Variants in KPNA7 observed in about 807,000 individuals in gnomAD.
The protein encoded by KPNA7 is importin subunit alpha-8.
Under a neutral mutation model 53.7 loss-of-function variants are expected in KPNA7, and 54 were observed. That is an observed-to-expected ratio of 1.01 (90% CI 0.81 to 1.26). KPNA7 has a LOEUF of 1.26. Ranked by LOEUF, KPNA7 falls within the 50% of genes most tolerant of loss-of-function variation. The probability of loss-of-function intolerance (pLI) is 0.00; values close to 1 mark genes in which losing one functional copy is unlikely to be tolerated. For missense variants in KPNA7, 640 were observed against 644.5 expected, an observed-to-expected ratio of 0.99 and a Z score of 0.07; for synonymous variants, 276 against 259.3, an observed-to-expected ratio of 1.06 and a Z score of -0.62.
In KPNA7 at chr7:99,203,148, G is replaced by A. The variant is rs1318336658; in HGVS notation, c.159C>T (p.Phe53=). The A allele has an allele frequency of 1.4e-5, 21 of 1,551,704 alleles. No individual in the cohort carries two copies. The highest frequency in any genetic ancestry group is 1.6e-5 in the Non-Finnish European group (18 of 1,146,980). The change falls in exon 3 of 11, where the codon TTC becomes TTT. Residue 53 remains phenylalanine (F), a synonymous_variant. Coordinates refer to ENST00000327442, the MANE Select transcript of KPNA7 (RefSeq NM_001145715.3). ...TTTTTTCAGAAGGTGTGTCAGGGCA[G>A]AAGCTCGTGATATTCCTTCTCTTTA... The part of the protein sequence containing the change: ...QTLKRRNITS[F]CPDTPSEKTA...
chr7:99,161,053 G>A, the KPNA7 span, among the ~76,000 whole-genome samples: 7 of 152,024 alleles, frequency 4.6e-5, no homozygotes, highest in African/African-American at 1.7e-4. Flanking sequence ...GTAAAGACAG[G>A]GTTTCACCAT....
upstream of KPNA7, among the ~76,000 whole-genome samples, chr7:99,209,557 C>T (rs1000317477): frequency 7.9e-5 from 12 of 151,768 alleles, no homozygotes; most frequent in African/African-American, 2.7e-4. Flanking sequence ...GTGGCAGGCA[C>T]CTGTAGTCCC....
intron 1 of KPNA7, among the ~76,000 whole-genome samples, chr7:99,216,036 TTTTTG>T (rs1248552665): frequency 2.0e-5 from 3 of 151,370 alleles, no homozygotes; most frequent in East Asian, 1.9e-4. Context: ...ACCCTGCCCC[TTTTTG>T]TTTTGAGATA....
chr7:99,201,662 C>CAAAAA (rs111393769), intron 3 of KPNA7, among the ~76,000 whole-genome samples: 1 of 122,900 alleles, frequency 8.1e-6, no homozygotes. Flanking sequence ...GACTCTGTCT[C>CAAAAA]AAAAAAAAAA....
chr7:99,148,815 G>A, the KPNA7 span, among the ~76,000 whole-genome samples: 9 of 125,800 alleles, frequency 7.2e-5, no homozygotes, highest in South Asian at 5.8e-4. Context: ...CAGGCTAGTC[G>A]CCTCAAGTGG....
chr7:99,164,459 A>T, the KPNA7 span, among the ~76,000 whole-genome samples: 10 of 152,002 alleles, frequency 6.6e-5, no homozygotes, highest in Non-Finnish European at 1.3e-4. Flanking sequence ...GGACACAGGA[A>T]GGGGAACATC....
chr7:99,210,776 G>A (rs909394108), upstream of KPNA7, among the ~76,000 whole-genome samples: 6 of 151,718 alleles, frequency 4.0e-5, no homozygotes, highest in African/African-American at 1.2e-4. Context: ...TTGTAGAGAT[G>A]GGATCTCACT....
the KPNA7 span, among the ~76,000 whole-genome samples, chr7:99,165,623 G>A: frequency 4.6e-5 from 7 of 152,124 alleles, no homozygotes; most frequent in South Asian, 2.1e-4. Context: ...CCCAAACACC[G>A]TTTCTCTTCA....
the KPNA7 span, among the ~76,000 whole-genome samples, chr7:99,163,383 A>ATATATATATATATATATATT: frequency 4.9e-5 from 2 of 40,804 alleles, no homozygotes; most frequent in African/African-American, 9.5e-5. Context: ...ATATATATAT[A>ATATATATATATATATATATT]TTTTTTTTTT....
intron 3 of KPNA7, among the ~76,000 whole-genome samples, chr7:99,197,606 A>G (rs73401390): frequency 0.071 from 10,805 of 152,318 alleles, 449 homozygotes; most frequent in South Asian, 0.15. Flanking sequence ...CACACTAAAT[A>G]GAGAATATCA....
At chr7:99,159,961 G>T in the KPNA7 span, among the ~76,000 whole-genome samples, 1 of 151,142 alleles carries the variant, frequency 6.6e-6, no homozygotes, top group Non-Finnish European at 1.5e-5. Flanking sequence ...TCATGGTCTG[G>T]AGTCTGCTGC....
the KPNA7 span, among the ~76,000 whole-genome samples, chr7:99,166,149 C>T: frequency 6.6e-6 from 1 of 152,122 alleles, no homozygotes; most frequent in Non-Finnish European, 1.5e-5. Context: ...GCCAATTAAA[C>T]ATCTTTTCTT....
the KPNA7 span, among the ~76,000 whole-genome samples, chr7:99,156,574 G>A: frequency 6.6e-6 from 1 of 151,958 alleles, no homozygotes; most frequent in Non-Finnish European, 1.5e-5. Flanking sequence ...ACCCAGGCTG[G>A]AATGCAATGG....
upstream of KPNA7, among the ~76,000 whole-genome samples, chr7:99,209,711 GA>G (rs796194540): frequency 0.088 from 7,685 of 87,820 alleles, 298 homozygotes; most frequent in South Asian, 0.23. Context: ...AAAAAAAAAA[GA>G]AAAAAATCTG....
At chr7:99,217,522 G>A (rs539749520) in intron 1 of KPNA7, among the ~76,000 whole-genome samples, 1 of 152,098 alleles carries the variant, frequency 6.6e-6, no homozygotes, top group South Asian at 2.1e-4. Flanking sequence ...GCTGAGGCTA[G>A]CTGGGGTTGG....
At chr7:99,156,938 C>CTT in the KPNA7 span, among the ~76,000 whole-genome samples, 1 of 150,682 alleles carries the variant, frequency 6.6e-6, no homozygotes, top group African/African-American at 2.4e-5. Flanking sequence ...CCTGAATTGA[C>CTT]TTTTTTTCTT....
At chr7:99,185,721 C>G (rs987990604) in intron 7 of KPNA7, among the ~76,000 whole-genome samples, 1 of 152,120 alleles carries the variant, frequency 6.6e-6, no homozygotes, top group Non-Finnish European at 1.5e-5. Flanking sequence ...ATACCTTTAT[C>G]GAGAAATGCT....
Position 99,180,701 on chromosome 7 carries a change from CTGT to C in KPNA7, c.1317+1179_1317+1181del, listed in dbSNP as rs1799155432. 3.4e-5 allele frequency among the ~76,000 whole-genome samples: 3 copies of C among 87,754 alleles called. No homozygotes were observed. The Admixed American group carries it at 3.7e-4, about 11-fold the overall frequency. 57.6% of individuals were successfully genotyped at this position (87,754 alleles called of 152,430 possible). A position where few individuals can be genotyped will look rare whatever the true frequency, so the allele number is the denominator to read the frequency against. Reference sequence around the variant, plus strand: ...TCTCTCTCCCCGTCTGTGTCTCTGTCTGTGTCTCTCTCTCTCTCCGTCTGTGTC... The same window carrying C: ...TCTCTCTCCCCGTCTGTGTCTCTGTCGTCTCTCTCTCTCTCCGTCTGTGTC... On this transcript the variant is annotated intron_variant, in intron 9 of 10. Coordinates refer to ENST00000327442, the MANE Select transcript of KPNA7 (RefSeq NM_001145715.3).
At chr7:99,162,133 C>A in the KPNA7 span, among the ~76,000 whole-genome samples, 1 of 151,070 alleles carries the variant, frequency 6.6e-6, no homozygotes, top group South Asian at 2.1e-4. Context: ...ACAACCTCCA[C>A]CTCCTGGGTT....
Sources: allele counts gnomAD v4.1 joint callset (sites outside exome capture counted in the v4.1 genomes callset), GRCh38; gene constraint gnomAD v4.1.1; transcripts MANE v1.5; gene names NCBI Gene and HGNC (gene_info 2026-07-23, HGNC 2026-07-21).